Variants in ARB2A observed in about 807,000 individuals in gnomAD.
The protein encoded by ARB2A is cotranscriptional regulator ARB2A.
chr5:93,718,570 T>A, the ARB2A span, among the ~76,000 whole-genome samples: 1 of 152,222 alleles, frequency 6.6e-6, no homozygotes, highest in Non-Finnish European at 1.5e-5. Context: ...GTAGACTCTT[T>A]AATGTCTGCA....
chr5:93,901,232 G>A, the ARB2A span, among the ~76,000 whole-genome samples: 1 of 152,268 alleles, frequency 6.6e-6, no homozygotes, highest in Non-Finnish European at 1.5e-5. Flanking sequence ...TTAAAATAAT[G>A]TGCAGTCAAA....
chr5:93,726,669 T>C, the ARB2A span, among the ~76,000 whole-genome samples: 11 of 152,022 alleles, frequency 7.2e-5, no homozygotes, highest in Admixed American at 7.2e-4. Flanking sequence ...ATCAATACTT[T>C]TTCTTTTTTG....
At chr5:93,700,084 T>C in the ARB2A span, among the ~76,000 whole-genome samples, 2 of 152,188 alleles carry the variant, frequency 1.3e-5, no homozygotes, top group African/African-American at 4.8e-5. Flanking sequence ...TATATTTATA[T>C]ACAATTATAT....
At chr5:93,887,752 A>G in the ARB2A span, among the ~76,000 whole-genome samples, 2 of 151,908 alleles carry the variant, frequency 1.3e-5, no homozygotes, top group African/African-American at 2.4e-5. Context: ...AAAATATTCT[A>G]TTATTATGTT....
chr5:93,887,622 G>T, the ARB2A span, among the ~76,000 whole-genome samples: 1 of 151,692 alleles, frequency 6.6e-6, no homozygotes, highest in Non-Finnish European at 1.5e-5. Context: ...TTGTGTGAGG[G>T]TTATAACACA....
At chr5:93,743,666 CTTTTTTTTT>C in the ARB2A span, 1 of 239,000 alleles carries the variant, frequency 4.2e-6, no homozygotes, top group East Asian at 2.0e-4. Flanking sequence ...CAGCCATTTT[CTTTTTTTTT>C]TTTTTTTTTG....
the ARB2A span, among the ~76,000 whole-genome samples, chr5:93,849,152 T>C: frequency 1.3e-5 from 2 of 152,116 alleles, no homozygotes; most frequent in Non-Finnish European, 2.9e-5. Context: ...AACTGGAAGA[T>C]TGGGAGCACG....
At chr5:93,851,272 T>C in the ARB2A span, among the ~76,000 whole-genome samples, 1 of 152,138 alleles carries the variant, frequency 6.6e-6, no homozygotes, top group Non-Finnish European at 1.5e-5. Flanking sequence ...AGTTTAGAAA[T>C]CATGGCCTCC....
the ARB2A span, among the ~76,000 whole-genome samples, chr5:93,822,311 AC>A: frequency 6.6e-6 from 1 of 152,146 alleles, no homozygotes; most frequent in Non-Finnish European, 1.5e-5. Context: ...AGAAATATCC[AC>A]CAGTGTGTGA....
the ARB2A span, among the ~76,000 whole-genome samples, chr5:93,979,230 T>C: frequency 1.3e-5 from 2 of 152,106 alleles, no homozygotes; most frequent in Admixed American, 1.3e-4. Flanking sequence ...TGGTAGGAGA[T>C]TTCAGCTTTG....
At chr5:93,905,807 A>T in the ARB2A span, among the ~76,000 whole-genome samples, 3 of 151,778 alleles carry the variant, frequency 2.0e-5, no homozygotes, top group Non-Finnish European at 3.0e-5. Flanking sequence ...AGATTTCAAT[A>T]GAATTATTGG....
the ARB2A span, among the ~76,000 whole-genome samples, chr5:94,030,009 G>A: frequency 6.6e-6 from 1 of 152,126 alleles, no homozygotes. Context: ...AGTTTGTGCA[G>A]GGAAACTCCT....
At chr5:94,053,114 T>C in the ARB2A span, 2 of 1,456,778 alleles carry the variant, frequency 1.4e-6, no homozygotes, top group Non-Finnish European at 1.9e-6. Flanking sequence ...GATAGATAGA[T>C]AACCCACTTA....
the ARB2A span, chr5:94,050,778 C>A: frequency 6.2e-7 from 1 of 1,613,034 alleles, no homozygotes. Context: ...TGTAAATCTT[C>A]CCGGTAGTTA....
chr5:93,920,748 C>A, the ARB2A span, among the ~76,000 whole-genome samples: 195 of 152,202 alleles, frequency 1.3e-3, no homozygotes, highest in African/African-American at 4.0e-3. Context: ...AGTATAAAAT[C>A]GTAACTGCAT....
the ARB2A span, among the ~76,000 whole-genome samples, chr5:94,017,131 C>G: frequency 6.6e-6 from 1 of 152,160 alleles, no homozygotes; most frequent in Admixed American, 6.5e-5. Flanking sequence ...ACAGATGAAC[C>G]AGGACAAAGA....
chr5:93,993,375 A>G, the ARB2A span, among the ~76,000 whole-genome samples: 18 of 152,214 alleles, frequency 1.2e-4, no homozygotes, highest in African/African-American at 4.3e-4. Flanking sequence ...TTTAAGAGAA[A>G]TGGCTCATTA....
At chr5:93,643,273 T>C in the ARB2A span, among the ~76,000 whole-genome samples, 3 of 152,026 alleles carry the variant, frequency 2.0e-5, no homozygotes, top group African/African-American at 4.8e-5. Flanking sequence ...TGTGCCCAAA[T>C]AGATGGCCCC....
chr5:93,976,711 A>G, the ARB2A span, among the ~76,000 whole-genome samples: 1 of 152,168 alleles, frequency 6.6e-6, no homozygotes, highest in East Asian at 1.9e-4. Flanking sequence ...CCTGAGGCCA[A>G]TTAAAACCCT....
Sources: gnomAD v4.1 joint callset for allele counts (sites outside exome capture counted in the v4.1 genomes callset) on GRCh38, gnomAD v4.1.1 for gene constraint, MANE v1.5 for transcripts, NCBI Gene and HGNC (gene_info 2026-07-23, HGNC 2026-07-21) for gene names.